LIMD1: variants seen among roughly 807,000 people sequenced by gnomAD.
The protein encoded by LIMD1 is LIM domain containing 1, also known as LIM domain-containing protein 1.
Under a neutral mutation model 58.4 loss-of-function variants are expected in LIMD1, and 23 were observed. The observed-to-expected ratio is 0.39, with a 90% CI of 0.28 to 0.56. LIMD1 has a LOEUF of 0.56. LIMD1 is among the 20% of genes least tolerant of loss of function. LIMD1 has a pLI of 0.57. For missense variants in LIMD1, 838 were observed against 855.5 expected (o/e 0.98, Z 0.25); for synonymous variants, 334 against 345.5 (o/e 0.97, Z 0.37).
intron 1 of LIMD1, among the ~76,000 whole-genome samples, chr3:45,606,732 TTG>T (rs1186605996): frequency 6.6e-6 from 1 of 152,188 alleles, no homozygotes; most frequent in Non-Finnish European, 1.5e-5. Flanking sequence ...GCAAGATGCC[TTG>T]TCTGGGGGTC....
intron 1 of LIMD1, among the ~76,000 whole-genome samples, chr3:45,611,272 A>G (rs951108376): frequency 6.6e-5 from 10 of 152,222 alleles, no homozygotes; most frequent in Admixed American, 4.6e-4. Context: ...GAGCCCACTG[A>G]GGCCAAATGC....
chr3:45,598,652 C>T (rs1701379958), intron 1 of LIMD1, among the ~76,000 whole-genome samples: 5 of 152,140 alleles, frequency 3.3e-5, no homozygotes, highest in Admixed American at 3.3e-4. Context: ...TAAGCAAGTA[C>T]TAGGGAGAGA....
chr3:45,632,333 G>A (rs551669509), intron 1 of LIMD1, among the ~76,000 whole-genome samples: 9 of 152,232 alleles, frequency 5.9e-5, no homozygotes, highest in African/African-American at 1.2e-4. Flanking sequence ...GGCATTTTTC[G>A]GAAAGATTTC....
At chr3:45,624,653 G>A (rs1362413872) in intron 1 of LIMD1, among the ~76,000 whole-genome samples, 1 of 152,204 alleles carries the variant, frequency 6.6e-6, no homozygotes, top group Non-Finnish European at 1.5e-5. Flanking sequence ...AACCCAGGAG[G>A]CGGAGCTTGC....
In LIMD1 at chr3:45,683,452, A is replaced by G. The variant is rs1397944511; in HGVS notation, c.*6393A>G. 1 of 152,094 alleles carries G rather than the reference A, an allele frequency of 6.6e-6. No individual in the cohort carries two copies. Among genetic ancestry groups the G allele is most frequent in the East Asian group, 2.0e-4 (1 of 5,104 alleles). 9.4% of individuals were successfully genotyped at this position (152,094 alleles called of 1,614,324 possible). ...GAAAAATTGAAAGTATCGCTAATTG[A>G]TCCCCTCCCACAACCAATCAGACTG... is the stretch of plus-strand genomic sequence containing the variant. On this transcript the variant is annotated 3_prime_UTR_variant, in exon 8 of 8. Coordinates refer to ENST00000273317, the MANE Select transcript of LIMD1 (RefSeq NM_014240.3).
intron 1 of LIMD1, among the ~76,000 whole-genome samples, chr3:45,600,612 A>G (rs1327970127): frequency 2.6e-5 from 4 of 152,104 alleles, no homozygotes; most frequent in African/African-American, 9.7e-5. Flanking sequence ...CTCCTGGCCT[A>G]CACCACCTAG....
At chr3:45,629,166 C>G (rs1419705967) in intron 1 of LIMD1, among the ~76,000 whole-genome samples, 6 of 152,092 alleles carry the variant, frequency 3.9e-5, no homozygotes, top group African/African-American at 1.2e-4. Context: ...GTATTCCCAG[C>G]ACTTTGGGAG....
In LIMD1 at chr3:45,679,111, C is replaced by T. The variant is rs915408907; in HGVS notation, c.*2052C>T. ...TGGCCTTACTGACACACCTTTGCTC[C>T]ATGTTCAAGACCAGAAGTAGCTGGG... On this transcript the variant is annotated 3_prime_UTR_variant, in exon 8 of 8. Transcript: ENST00000273317. 6.6e-6 allele frequency: 1 copy of T among 152,178 alleles called. No individual in the cohort carries two copies. The highest frequency in any genetic ancestry group is 2.1e-4 in the South Asian group (1 of 4,824). 9.4% of individuals were successfully genotyped at this position (152,178 alleles called of 1,614,324 possible). A position where few individuals can be genotyped will look rare whatever the true frequency, so the allele number is the denominator to read the frequency against.
intron 1 of LIMD1, chr3:45,612,783 A>G (rs1701537889): frequency 1.3e-5 from 2 of 152,258 alleles, no homozygotes. Flanking sequence ...ATTTATATAC[A>G]GTTGATCTTC....
intron 2 of LIMD1, among the ~76,000 whole-genome samples, chr3:45,656,323 A>C (rs1411885562): frequency 2.0e-5 from 3 of 152,190 alleles, no homozygotes; most frequent in Admixed American, 6.5e-5. Context: ...ACAGAAAACA[A>C]GAGAGACAGT....
At chr3:45,657,479 T>G (rs1697351780) in intron 2 of LIMD1, among the ~76,000 whole-genome samples, 1 of 148,076 alleles carries the variant, frequency 6.8e-6, no homozygotes, top group Non-Finnish European at 1.5e-5. Context: ...GAGCTATGAT[T>G]GTACCACTGC....
rs1170710561 is a variant in LIMD1, at chr3:45,682,184, G to A, written c.*5125G>A. On this transcript the variant is annotated 3_prime_UTR_variant, in exon 8 of 8. Transcript: ENST00000273317. The stretch of plus-strand genomic sequence containing the variant: ...ATAAAAGTTTTTTTTTTCTTTTTAA[G>A]TGATGAGAGAATGGCTAGTCTGATT... 1 of 151,982 alleles carries A rather than the reference G, an allele frequency of 6.6e-6. No individual in the cohort carries two copies. Among genetic ancestry groups the A allele is most frequent in the Non-Finnish European group, 1.5e-5 (1 of 67,994 alleles). The allele number at this position is 151,982 out of a possible 1,614,324, so 9.4% of individuals were successfully genotyped here.
At chr3:45,629,835 G>A (rs1210921795) in intron 1 of LIMD1, among the ~76,000 whole-genome samples, 1 of 152,232 alleles carries the variant, frequency 6.6e-6, no homozygotes, top group Non-Finnish European at 1.5e-5. Flanking sequence ...AGAGGTTTGA[G>A]CAGGGGGGCA....
rs752713062 is a variant in LIMD1, at chr3:45,595,711, C to T, written c.832C>T (p.Pro278Ser). The change falls in exon 1 of 8, where the codon CCA becomes TCA. Residue 278 changes from proline (P) to serine (S), a missense_variant. Coordinates refer to ENST00000273317, the MANE Select transcript of LIMD1 (RefSeq NM_014240.3). ...GCGGGTGAGCCCTGGCCTGCCTTCC[C>T]CAAACTTGGAGAACGGAGCACCAGC... The part of the protein sequence containing the change: ...SQRVSPGLPS[P>S]NLENGAPAVG... 6.2e-7 allele frequency: 1 copy of T among 1,614,152 alleles called. No homozygotes were observed. Among genetic ancestry groups the T allele is most frequent in the East Asian group, 2.2e-5 (1 of 44,880 alleles).
chr3:45,607,537 G>A (rs1040028005), intron 1 of LIMD1, among the ~76,000 whole-genome samples: 9 of 152,184 alleles, frequency 5.9e-5, no homozygotes, highest in African/African-American at 1.2e-4. Flanking sequence ...CCACAAACAT[G>A]TTTTGTAGCA....
intron 1 of LIMD1, among the ~76,000 whole-genome samples, chr3:45,614,686 G>C (rs1701560003): frequency 6.6e-6 from 1 of 151,018 alleles, no homozygotes. Flanking sequence ...TCACACCACT[G>C]CATTCCAGCC....
At chr3:45,652,456 A>G (rs1386976598) in intron 2 of LIMD1, among the ~76,000 whole-genome samples, 1 of 152,156 alleles carries the variant, frequency 6.6e-6, no homozygotes, top group East Asian at 1.9e-4. Flanking sequence ...GCCTCTTTGC[A>G]TGCCTGGGAA....
At chr3:45,597,483 C>A (rs1701369206) in intron 1 of LIMD1, among the ~76,000 whole-genome samples, 1 of 152,202 alleles carries the variant, frequency 6.6e-6, no homozygotes, top group South Asian at 2.1e-4. Flanking sequence ...ACCACAAACT[C>A]TTGGAGACTG....
At chr3:45,645,683 T>C (rs1273267005) in intron 2 of LIMD1, among the ~76,000 whole-genome samples, 1 of 152,180 alleles carries the variant, frequency 6.6e-6, no homozygotes, top group East Asian at 1.9e-4. Flanking sequence ...GTAAACTCTT[T>C]TACCTAGGCC....
Sources: gnomAD v4.1 joint callset for allele counts (sites outside exome capture counted in the v4.1 genomes callset) on GRCh38, gnomAD v4.1.1 for gene constraint, MANE v1.5 for transcripts, NCBI Gene and HGNC (gene_info 2026-07-23, HGNC 2026-07-21) for gene names.